Variants in RBFOX1 observed in about 807,000 individuals in gnomAD.
The protein encoded by RBFOX1 is RNA binding fox-1 homolog 1.
In RBFOX1, 8 loss-of-function variants were observed where a neutral mutation model predicts 57.7. That is an observed-to-expected ratio of 0.14 (90% CI 0.08 to 0.25). RBFOX1 has a LOEUF of 0.25. Ranked by LOEUF, RBFOX1 falls within the 10% of genes least tolerant of loss-of-function variation. The pLI is 1.00. For missense variants in RBFOX1, 611 were observed against 548.5 expected, an observed-to-expected ratio of 1.11 and a Z score of -1.14; for synonymous variants, 326 against 222.4, an observed-to-expected ratio of 1.47 and a Z score of -4.15.
chr16:7,643,386 G>T (rs1325195481), intron 11 of RBFOX1, among the ~76,000 whole-genome samples: 1 of 152,162 alleles, frequency 6.6e-6, no homozygotes, highest in African/African-American at 2.4e-5. Context: ...GTTGTAATGT[G>T]ATATTTGATA....
chr16:6,778,837 T>C (rs889610510), intron 3 of RBFOX1, among the ~76,000 whole-genome samples: 10 of 151,920 alleles, frequency 6.6e-5, no homozygotes, highest in African/African-American at 2.2e-4. Context: ...AACAATTTAA[T>C]TGAATACACA....
At chr16:5,964,782 TACAC>T (rs1209053618) in intron 4 of RBFOX1, among the ~76,000 whole-genome samples, 3 of 151,926 alleles carry the variant, frequency 2.0e-5, no homozygotes, top group Admixed American at 6.6e-5. Flanking sequence ...TACACACATA[TACAC>T]ACACACATTG....
At chr16:7,301,548 A>G (rs1400597765) in intron 4 of RBFOX1, among the ~76,000 whole-genome samples, 2 of 152,210 alleles carry the variant, frequency 1.3e-5, no homozygotes, top group African/African-American at 4.8e-5. Flanking sequence ...ACGGACTGGA[A>G]AATCTGTATT....
intron 4 of RBFOX1, among the ~76,000 whole-genome samples, chr16:7,291,808 G>A (rs1019277724): frequency 4.0e-5 from 6 of 150,844 alleles, no homozygotes; most frequent in Admixed American, 1.3e-4. Context: ...TGATGCAATG[G>A]CTTTCAATCA....
chr16:7,480,878 T>C (rs934717428), intron 4 of RBFOX1, among the ~76,000 whole-genome samples: 14 of 152,202 alleles, frequency 9.2e-5, no homozygotes. Flanking sequence ...CTGGGGCTGC[T>C]TCCCTCTGAG....
At chr16:6,557,316 C>T (rs1409344312) in intron 2 of RBFOX1, among the ~76,000 whole-genome samples, 1 of 151,798 alleles carries the variant, frequency 6.6e-6, no homozygotes, top group Non-Finnish European at 1.5e-5. Context: ...ATCTTGCTTT[C>T]ACAGTGGGGA....
chr16:6,665,992 C>G (rs1346141248), intron 3 of RBFOX1, among the ~76,000 whole-genome samples: 1 of 152,092 alleles, frequency 6.6e-6, no homozygotes, highest in Non-Finnish European at 1.5e-5. Context: ...TTCCCCCACC[C>G]TGTTCTCATG....
At chr16:6,306,037 C>T (rs763962168) in intron 1 of RBFOX1, among the ~76,000 whole-genome samples, 16 of 152,062 alleles carry the variant, frequency 1.1e-4, no homozygotes, top group Non-Finnish European at 1.5e-5. Context: ...CTTCACTGAG[C>T]CCATATTTAA....
At chr16:6,312,647 T>A (rs936904724) in intron 1 of RBFOX1, among the ~76,000 whole-genome samples, 1 of 140,872 alleles carries the variant, frequency 7.1e-6, no homozygotes, top group Non-Finnish European at 1.5e-5. Flanking sequence ...AGCCGATAGT[T>A]CCTTCTTTCC....
intron 14 of RBFOX1, among the ~76,000 whole-genome samples, chr16:7,681,365 C>A (rs1193407871): frequency 6.6e-6 from 1 of 152,036 alleles, no homozygotes; most frequent in Non-Finnish European, 1.5e-5. Flanking sequence ...GAAAATAGGA[C>A]TAAATCCTTA....
chr16:7,054,129 C>T (rs1164914746), intron 4 of RBFOX1, among the ~76,000 whole-genome samples: 2 of 139,994 alleles, frequency 1.4e-5, no homozygotes, highest in East Asian at 2.1e-4. Context: ...TCCTCCCTCC[C>T]TCTTTTCCTT....
intron 4 of RBFOX1, among the ~76,000 whole-genome samples, chr16:7,382,171 A>G (rs889996316): frequency 6.6e-6 from 1 of 152,190 alleles, no homozygotes; most frequent in African/African-American, 2.4e-5. Context: ...ACAAAAGCCA[A>G]TATATCACAC....
At chr16:7,239,083 A>C (rs980433681) in intron 4 of RBFOX1, among the ~76,000 whole-genome samples, 5 of 152,186 alleles carry the variant, frequency 3.3e-5, no homozygotes, top group Non-Finnish European at 7.3e-5. Context: ...TGCTATTGTG[A>C]ATAGTGCTGC....
At chr16:7,246,834 C>G (rs535542411) in intron 4 of RBFOX1, among the ~76,000 whole-genome samples, 7 of 152,062 alleles carry the variant, frequency 4.6e-5, no homozygotes, top group African/African-American at 1.4e-4. Context: ...AAGAGAGCTA[C>G]AGCATAAAGG....
At chr16:6,966,636 A>T (rs1040698236) in intron 3 of RBFOX1, among the ~76,000 whole-genome samples, 1 of 152,184 alleles carries the variant, frequency 6.6e-6, no homozygotes, top group South Asian at 2.1e-4. Flanking sequence ...GCAAGAGGCA[A>T]GGTGGAATGA....
chr16:6,715,762 T>C (rs976171135), intron 3 of RBFOX1, among the ~76,000 whole-genome samples: 4 of 152,206 alleles, frequency 2.6e-5, no homozygotes, highest in Non-Finnish European at 5.9e-5. Context: ...AAGTGAATTA[T>C]GTGGAAGAAT....
chr16:7,410,751 A>G (rs969791791), intron 4 of RBFOX1, among the ~76,000 whole-genome samples: 1 of 152,106 alleles, frequency 6.6e-6, no homozygotes, highest in African/African-American at 2.4e-5. Flanking sequence ...TCTTGGTTGG[A>G]TAACAGTTTT....
At chr16:5,382,178 T>TA (rs1449396275) in intron 1 of RBFOX1, among the ~76,000 whole-genome samples, 216 of 152,302 alleles carry the variant, frequency 1.4e-3, no homozygotes, top group African/African-American at 5.1e-3. Context: ...ATTCAGGCCA[T>TA]CTAAGAGTTA....
At chr16:7,592,139 C>T (rs985011824) in intron 7 of RBFOX1, among the ~76,000 whole-genome samples, 8 of 152,098 alleles carry the variant, frequency 5.3e-5, no homozygotes, top group Admixed American at 4.6e-4. Flanking sequence ...CTTTCTGCAC[C>T]GAACTTTGTC....
Sources: gnomAD v4.1 joint callset for allele counts (sites outside exome capture counted in the v4.1 genomes callset) on GRCh38, gnomAD v4.1.1 for gene constraint, MANE v1.5 for transcripts, NCBI Gene and HGNC (gene_info 2026-07-23, HGNC 2026-07-21) for gene names.